KIFC3: variants seen among roughly 807,000 people sequenced by gnomAD.
The protein encoded by KIFC3 is kinesin family member C3.
Under a neutral mutation model 101.8 loss-of-function variants are expected in KIFC3, and 60 were observed. That is an observed-to-expected ratio of 0.59 (90% CI 0.48 to 0.73). The LOEUF is 0.73. Among genes scored for constraint, KIFC3 ranks in the 30% least tolerant of loss-of-function variants. KIFC3 has a pLI of 0.00. For synonymous variants in KIFC3, 476 were observed against 482.7 expected (o/e 0.99, Z 0.18); for missense variants, 966 against 1,137.1 (o/e 0.85, Z 2.16).
At chr16:57,761,607 C>T in intron 13 of KIFC3, 71 bp from the exon 14 acceptor site, 2 of 1,557,884 alleles carry the variant, frequency 1.3e-6, no homozygotes, top group South Asian at 2.3e-5. Context: ...ACCCAGCCCC[C>T]CAGCCAGGAA....
chr16:57,813,662 C>T, intron 1 of KIFC3: 2 of 985,214 alleles, frequency 2.0e-6, no homozygotes, highest in Non-Finnish European at 2.4e-6. Context: ...TGCTCTGAAG[C>T]AAACCTCCCA....
intron 1 of KIFC3, among the ~76,000 whole-genome samples, chr16:57,818,243 G>C (rs1555629264): frequency 6.6e-6 from 1 of 152,044 alleles, no homozygotes; most frequent in East Asian, 1.9e-4. Context: ...CACCATGCCT[G>C]GTCTATTGTT....
intron 1 of KIFC3, among the ~76,000 whole-genome samples, chr16:57,819,531 T>C (rs2055307285): frequency 6.6e-6 from 1 of 152,142 alleles, no homozygotes; most frequent in Non-Finnish European, 1.5e-5. Flanking sequence ...TTATTTTATT[T>C]GTATTTATTT....
chr16:57,792,381 C>G (rs1447573210), intron 3 of KIFC3, among the ~76,000 whole-genome samples: 1 of 152,166 alleles, frequency 6.6e-6, no homozygotes, highest in Non-Finnish European at 1.5e-5. Flanking sequence ...TACCTCTGAC[C>G]CTAGCACAGA....
At chr16:57,818,593 C>T (rs111875649) in intron 1 of KIFC3, among the ~76,000 whole-genome samples, 5,333 of 152,188 alleles carry the variant, frequency 0.035, 111 homozygotes, top group South Asian at 0.085. Flanking sequence ...AACTCCTGGG[C>T]TCAAGGGATC....
intron 1 of KIFC3, among the ~76,000 whole-genome samples, chr16:57,843,270 T>A (rs1188896957): frequency 6.6e-6 from 1 of 152,200 alleles, no homozygotes; most frequent in Non-Finnish European, 1.5e-5. Context: ...TTCAATTAAT[T>A]CTGAACCACT....
At position 57,760,883 on chromosome 16, in the gene KIFC3, C is replaced by T. The variant is rs782106136; in HGVS notation, c.2075G>A (p.Arg692Gln). ...GKSGAEGSRL[R>Q]EAQHINKSLS... ...CGACTTGTTGATGTGCTGCGCCTCC[C>T]GCAGGCGGCTGCCCTCGGCCCCCGA... The change falls in exon 16 of 20, where the codon CGG becomes CAG. Residue 692 changes from arginine to glutamine, a missense_variant. This residue lies in a region of KIFC3 where 689 missense variants were observed against 884.6 expected (regional missense o/e 0.78). Transcript: ENST00000445690. The T allele has an allele frequency of 1.1e-5, 18 of 1,611,384 alleles. No individual in the cohort carries two copies. The South Asian group carries it at 1.8e-4, about 16-fold the overall frequency.
chr16:57,769,725 C>A lies in KIFC3; in HGVS notation c.1088G>T (p.Gly363Val). Residue 363 changes from glycine to valine, a missense_variant and splice_region_variant, in exon 9 of 20, where the codon GGC (glycine) becomes GTC (valine). Gly to Val is a moderately radical substitution (Grantham distance 109). Around this residue, in one of 2 missense-constraint regions of KIFC3, gnomAD observed 689 missense variants for 884.6 expected, o/e 0.78. Transcript: ENST00000445690. This position sits in a 1 kb window ranked among gnomAD's most constrained non-coding sequence, Gnocchi z 4.3. Reference sequence around the variant, plus strand: ...CAAGGTCAGCAAGTTGGTCCGGACGCCTATGGGGACACTCGGGCTGTGAGG... The same window carrying A: ...CAAGGTCAGCAAGTTGGTCCGGACGACTATGGGGACACTCGGGCTGTGAGG... ...EMKAVHENLA[G>V]VRTNLLTLQP... 4 of 1,613,098 alleles carry A rather than the reference C, an allele frequency of 2.5e-6. No individual in the cohort carries two copies. The highest frequency in any genetic ancestry group is 3.4e-6 in the Non-Finnish European group (4 of 1,179,894).
chr16:57,770,660 T>C lies in KIFC3; in HGVS notation c.806A>G (p.Lys269Arg). ...KTVEVESSKT[K>R]QALSESQARN... Reference sequence around the variant, plus strand: ...GGCCTGGGACTCGCTGAGGGCCTGCTTGGTCTTGGACGACTCCACCTCCAC... The same window carrying C: ...GGCCTGGGACTCGCTGAGGGCCTGCCTGGTCTTGGACGACTCCACCTCCAC... Residue 269 changes from lysine to arginine, a missense_variant, in exon 7 of 20, where the codon AAG becomes AGG. By Grantham distance (26) the Lys-to-Arg change is conservative (BLOSUM62 2). Coordinates refer to ENST00000445690, the MANE Select transcript of KIFC3 (RefSeq NM_001130100.2). The C allele has an allele frequency of 6.4e-7, 1 of 1,559,432 alleles. No homozygotes were observed. Among genetic ancestry groups the C allele is most frequent in the Non-Finnish European group, 8.7e-7 (1 of 1,152,570 alleles).
chr16:57,786,521 TGGG>T (rs2053342289), intron 3 of KIFC3, among the ~76,000 whole-genome samples: 1 of 148,954 alleles, frequency 6.7e-6, no homozygotes, highest in Admixed American at 6.7e-5. Context: ...GAGAGAAGAA[TGGG>T]GGGCTAGGGA....
At chr16:57,764,816 TGGGTGGCCATGG>T (rs2050275178) in intron 11 of KIFC3, among the ~76,000 whole-genome samples, 1 of 105,754 alleles carries the variant, frequency 9.5e-6, no homozygotes, top group Non-Finnish European at 1.9e-5. Context: ...TGGGGCCATG[TGGGTGGCCATGG>T]GGGTGGGAGG....
At chr16:57,837,405 T>C (rs1362871666) in intron 1 of KIFC3, among the ~76,000 whole-genome samples, 1 of 150,074 alleles carries the variant, frequency 6.7e-6, no homozygotes, top group Non-Finnish European at 1.5e-5. Flanking sequence ...AAGGCAGAGG[T>C]TGCAGTGAGC....
intron 7 of KIFC3, 50 bp from the exon 8 acceptor site, chr16:57,770,005 G>A (rs1555606480): frequency 2.5e-6 from 4 of 1,578,226 alleles, no homozygotes; most frequent in Admixed American, 1.8e-5. Context: ...GGAGAGAGAG[G>A]GGCAGGTGCC....
intron 1 of KIFC3, among the ~76,000 whole-genome samples, chr16:57,849,080 G>C (rs2055995342): frequency 6.6e-6 from 1 of 152,192 alleles, no homozygotes; most frequent in African/African-American, 2.4e-5. Context: ...GTAGCTGAGT[G>C]ATCAGACAGT....
chr16:57,788,476 G>A (rs1017541008), intron 3 of KIFC3: 4 of 1,103,010 alleles, frequency 3.6e-6, no homozygotes, highest in Non-Finnish European at 4.7e-6. Flanking sequence ...CCTCCAGCCG[G>A]GGAGGACAGG....
chr16:57,807,939 A>AC (rs2054974970), upstream of KIFC3: 18 of 123,546 alleles, frequency 1.5e-4, no homozygotes, highest in African/African-American at 7.1e-4. Flanking sequence ...TAAAAAAAAA[A>AC]AAAAAAAAAA....
intron 1 of KIFC3, among the ~76,000 whole-genome samples, chr16:57,828,982 T>G (rs1568092930): frequency 6.6e-6 from 1 of 152,076 alleles, no homozygotes; most frequent in Non-Finnish European, 1.5e-5. Context: ...GCCCAAAAAG[T>G]CAGTCAGCTC....
intron 12 of KIFC3, among the ~76,000 whole-genome samples, chr16:57,763,496 A>G (rs963803453): frequency 6.6e-6 from 1 of 152,214 alleles, no homozygotes; most frequent in South Asian, 2.1e-4. Context: ...CTCCTGACCT[A>G]GGGAATCAAT....
Position 57,772,307 on chromosome 16 carries a change from G to A in KIFC3, c.316-19C>T. Reference sequence around the variant, plus strand: ...GTTCTACCTGTGGGCACAGAGTCAGGAGCAAGGTGAGCCTCAGTCCTCAGC... The same window carrying A: ...GTTCTACCTGTGGGCACAGAGTCAGAAGCAAGGTGAGCCTCAGTCCTCAGC... On this transcript the variant is annotated intron_variant, in intron 3 of 19. Transcript: ENST00000445690. 1.9e-6 allele frequency: 3 copies of A among 1,610,826 alleles called. No homozygotes were observed. The highest frequency in any genetic ancestry group is 2.5e-6 in the Non-Finnish European group (3 of 1,177,310).
Sources: allele counts gnomAD v4.1 joint callset (sites outside exome capture counted in the v4.1 genomes callset), GRCh38; gene constraint gnomAD v4.1.1; regional missense constraint gnomAD v4.1.1; non-coding constraint Gnocchi (gnomAD v3.1); transcripts MANE v1.5; gene names NCBI Gene and HGNC (gene_info 2026-07-23, HGNC 2026-07-21).